GRIK1: variants seen among roughly 807,000 people sequenced by gnomAD.
GRIK1 encodes the protein glutamate ionotropic receptor kainate type subunit 1, also known as glutamate receptor ionotropic, kainate 1.
In GRIK1, 69 loss-of-function variants were observed where a neutral mutation model predicts 105.7. That is an observed-to-expected ratio of 0.65 (90% CI 0.54 to 0.80). The LOEUF is 0.80. GRIK1 is among the 30% of genes least tolerant of loss of function. GRIK1 has a pLI of 0.00. For missense variants in GRIK1, 1,109 were observed against 1,167.3 expected, an observed-to-expected ratio of 0.95 and a Z score of 0.73; for synonymous variants, 438 against 431.3, an observed-to-expected ratio of 1.02 and a Z score of -0.19.
At chr21:29,753,797 C>T (rs1011353343) in intron 1 of GRIK1, among the ~76,000 whole-genome samples, 3 of 152,094 alleles carry the variant, frequency 2.0e-5, no homozygotes, top group Non-Finnish European at 2.9e-5. Context: ...AGGGAAAAGT[C>T]TGTGTGCCTC....
At chr21:29,869,758 A>C (rs2068948269) in intron 1 of GRIK1, among the ~76,000 whole-genome samples, 1 of 152,190 alleles carries the variant, frequency 6.6e-6, no homozygotes, top group African/African-American at 2.4e-5. Flanking sequence ...AATAACTCAT[A>C]TCCATTGTAG....
chr21:29,632,939 C>G (rs1170122567), intron 7 of GRIK1, among the ~76,000 whole-genome samples: 3 of 152,176 alleles, frequency 2.0e-5, no homozygotes, highest in Non-Finnish European at 4.4e-5. Context: ...TGCTGTGGTT[C>G]AAAGGCTTTT....
chr21:29,637,284 A>G (rs1023313597), intron 7 of GRIK1, among the ~76,000 whole-genome samples: 1 of 152,150 alleles, frequency 6.6e-6, no homozygotes, highest in Non-Finnish European at 1.5e-5. Flanking sequence ...TTCTTTCCAG[A>G]TGCTTCAGTG....
intron 1 of GRIK1, among the ~76,000 whole-genome samples, chr21:29,789,692 T>C (rs1443519544): frequency 6.6e-6 from 1 of 152,220 alleles, no homozygotes; most frequent in African/African-American, 2.4e-5. Flanking sequence ...GTCTCTATTT[T>C]CTTAAGTCCA....
intron 1 of GRIK1, among the ~76,000 whole-genome samples, chr21:29,811,019 T>C (rs2066996297): frequency 6.6e-6 from 1 of 152,126 alleles, no homozygotes; most frequent in Non-Finnish European, 1.5e-5. Flanking sequence ...CAATTTCAAC[T>C]GTTTATTTTT....
At chr21:29,563,726 A>T (rs1428705195) in intron 14 of GRIK1, among the ~76,000 whole-genome samples, 1 of 152,232 alleles carries the variant, frequency 6.6e-6, no homozygotes, top group African/African-American at 2.4e-5. Context: ...AACTACCTTA[A>T]GGGAAAATAA....
intron 1 of GRIK1, among the ~76,000 whole-genome samples, chr21:29,761,731 C>T (rs2065527047): frequency 6.7e-6 from 1 of 148,762 alleles, no homozygotes; most frequent in African/African-American, 2.5e-5. Flanking sequence ...TTCCTTCCTT[C>T]CTTCTTTCTC....
rs918305535 is a variant in GRIK1 at position 29,565,925 on chromosome 21, G to A, written c.2131-4076C>T. Among the ~76,000 whole-genome samples the A allele has an allele frequency of 7.9e-5, 12 of 152,342 alleles. No homozygotes were observed. In the East Asian group the frequency reaches 2.3e-3, roughly 29 times the overall value. Reference sequence around the variant, plus strand: ...TGGCAGAGGGTTAGTGGAAGAGACAGCACAGAATTGAGGGCTCTTTCTTCT... The same window carrying A: ...TGGCAGAGGGTTAGTGGAAGAGACAACACAGAATTGAGGGCTCTTTCTTCT... On this transcript the variant is annotated intron_variant, in intron 14 of 17. Transcript: ENST00000327783.
chr21:29,939,297 G>C, intron 1 of GRIK1, 86 bp downstream of exon 1: 1 of 776,874 alleles, frequency 1.3e-6, no homozygotes, highest in Non-Finnish European at 2.2e-6. Flanking sequence ...GCGCCGCCGC[G>C]CGCTGCCTCG....
intron 14 of GRIK1, among the ~76,000 whole-genome samples, chr21:29,566,308 G>T (rs981224841): frequency 3.9e-5 from 6 of 152,222 alleles, no homozygotes; most frequent in Admixed American, 1.3e-4. Flanking sequence ...AGAATATTTG[G>T]AATGTCTTCT....
chr21:29,892,597 A>C (rs1392417374), intron 1 of GRIK1, among the ~76,000 whole-genome samples: 1 of 152,180 alleles, frequency 6.6e-6, no homozygotes, highest in Non-Finnish European at 1.5e-5. Flanking sequence ...TACCCACCCC[A>C]TATCAGTTGC....
chr21:29,726,728 C>T (rs937964306), intron 1 of GRIK1, among the ~76,000 whole-genome samples: 1 of 151,462 alleles, frequency 6.6e-6, no homozygotes, highest in African/African-American at 2.4e-5. Flanking sequence ...TTTATTTAAT[C>T]CTTCTTATGT....
At chr21:29,815,860 T>C (rs1357464026) in intron 1 of GRIK1, among the ~76,000 whole-genome samples, 2 of 151,908 alleles carry the variant, frequency 1.3e-5, no homozygotes, top group Admixed American at 6.6e-5. Context: ...GAAGAAAACA[T>C]AGAGGAAACA....
At chr21:29,723,152 C>A (rs912249033) in intron 1 of GRIK1, among the ~76,000 whole-genome samples, 1 of 151,660 alleles carries the variant, frequency 6.6e-6, no homozygotes, top group Non-Finnish European at 1.5e-5. Flanking sequence ...CTGTTTCTAC[C>A]AAAAAAAATT....
At chr21:29,817,512 G>A (rs763632451) in intron 1 of GRIK1, among the ~76,000 whole-genome samples, 1 of 152,038 alleles carries the variant, frequency 6.6e-6, no homozygotes, top group African/African-American at 2.4e-5. Context: ...GCTGGGCTTG[G>A]CCATGTGACT....
chr21:29,605,402 C>A (rs1245117390), intron 7 of GRIK1, among the ~76,000 whole-genome samples: 1 of 152,102 alleles, frequency 6.6e-6, no homozygotes, highest in Admixed American at 6.6e-5. Context: ...GATCTTGTTC[C>A]TTTTTATGGC....
intron 1 of GRIK1, among the ~76,000 whole-genome samples, chr21:29,863,702 T>C (rs1270538675): frequency 6.6e-6 from 1 of 152,170 alleles, no homozygotes; most frequent in Non-Finnish European, 1.5e-5. Context: ...CCATGAGTAT[T>C]TTCATGATTA....
intron 7 of GRIK1, among the ~76,000 whole-genome samples, chr21:29,608,359 T>C (rs928724418): frequency 6.6e-6 from 1 of 152,138 alleles, no homozygotes; most frequent in Non-Finnish European, 1.5e-5. Flanking sequence ...GTATAGAAGG[T>C]TGGAGGAAAC....
At chr21:29,574,023 AC>A (rs1377486038) in intron 14 of GRIK1, among the ~76,000 whole-genome samples, 1 of 152,090 alleles carries the variant, frequency 6.6e-6, no homozygotes, top group Non-Finnish European at 1.5e-5. Flanking sequence ...TGCAGTCAAA[AC>A]TTTTTTCATG....
Sources: allele counts gnomAD v4.1 joint callset (sites outside exome capture counted in the v4.1 genomes callset), GRCh38; gene constraint gnomAD v4.1.1; transcripts MANE v1.5; gene names NCBI Gene and HGNC (gene_info 2026-07-23, HGNC 2026-07-21).